The following BBS9 variants were observed in gnomAD, a reference collection of about 807,000 sequenced individuals.
The protein encoded by BBS9 is Bardet-Biedl syndrome 9, also known as protein PTHB1.
In BBS9, 89 loss-of-function variants were observed where a neutral mutation model predicts 117.7. The observed-to-expected ratio is 0.76, with a 90% confidence interval of 0.64 to 0.90. BBS9 has a LOEUF of 0.90. BBS9 is among the 40% of genes least tolerant of loss of function. The probability of loss-of-function intolerance (pLI) is 0.00; values close to 1 mark genes in which losing one functional copy is unlikely to be tolerated. For synonymous variants in BBS9, 379 were observed against 370.9 expected, an observed-to-expected ratio of 1.02 and a Z score of -0.25; for missense variants, 982 against 1,042.2, an observed-to-expected ratio of 0.94 and a Z score of 0.80.
chr7:33,578,325 C>T (rs377715495), intron 21 of BBS9, among the ~76,000 whole-genome samples: 1 of 152,270 alleles, frequency 6.6e-6, no homozygotes, highest in Non-Finnish European at 1.5e-5. Context: ...AAGCTGGACT[C>T]CTGACTCCAA....
chr7:33,264,401 A>T (rs749668820), intron 7 of BBS9, 27 bp downstream of exon 7: 3 of 1,327,404 alleles, frequency 2.3e-6, no homozygotes, highest in Admixed American at 1.8e-5. Context: ...ATATATAAAA[A>T]TTTCAATAAT....
rs140814214 is a variant in BBS9 at position 33,268,346 on chromosome 7, C to G, written c.702+3972C>G. Among the ~76,000 whole-genome samples the G allele has an allele frequency of 5.2e-3, 793 of 152,290 alleles. 4 individuals carry two copies. The highest frequency in any genetic ancestry group is 7.5e-3 in the Non-Finnish European group (513 of 68,022). On this transcript the variant is annotated intron_variant, in intron 7 of 22. Transcript: ENST00000242067. The stretch of plus-strand genomic sequence containing the variant: ...TATTTGGTGTGCTGTCTTGTTAACT[C>G]CAACTGCTGTGGTTTCTCCAGACTC...
At chr7:33,259,854 A>G (rs1039163121) in intron 6 of BBS9, among the ~76,000 whole-genome samples, 1 of 142,812 alleles carries the variant, frequency 7.0e-6, no homozygotes, top group African/African-American at 2.6e-5. Context: ...TCCCATTCCC[A>G]TTGGTTCAGG....
intron 19 of BBS9, among the ~76,000 whole-genome samples, chr7:33,399,349 A>T (rs1828537881): frequency 6.6e-6 from 1 of 152,160 alleles, no homozygotes; most frequent in African/African-American, 2.4e-5. Flanking sequence ...GTGGTTAGAG[A>T]ATCACCAGAA....
chr7:33,365,657 G>A (rs1231281246), intron 16 of BBS9, among the ~76,000 whole-genome samples: 1 of 152,242 alleles, frequency 6.6e-6, no homozygotes, highest in Non-Finnish European at 1.5e-5. Flanking sequence ...GAGATGCCAT[G>A]GAGCCAAGTC....
intron 21 of BBS9, among the ~76,000 whole-genome samples, chr7:33,535,073 T>G (rs940996098): frequency 6.6e-6 from 1 of 152,150 alleles, no homozygotes; most frequent in East Asian, 1.9e-4. Flanking sequence ...TGAAAAGGAA[T>G]GCAAGTGAAA....
Position 33,332,510 on chromosome 7 carries a change from G to C in BBS9, c.1017-3931G>C, listed in dbSNP as rs187662536. ...TGGCCAAAATGGCAAAACCCCGTCT[G>C]TACTAAAAATATAAAAATTAGCTGG... On this transcript the variant is annotated intron_variant, in intron 9 of 22. Coordinates refer to ENST00000242067, the MANE Select transcript of BBS9 (RefSeq NM_198428.3). Among the ~76,000 whole-genome samples, 42 of 152,128 alleles carry C rather than the reference G, an allele frequency of 2.8e-4. No individual in the cohort carries two copies. The East Asian group carries it at 7.0e-3, about 25-fold the overall frequency.
chr7:33,236,420 G>A (rs1793513440), intron 5 of BBS9, among the ~76,000 whole-genome samples: 1 of 150,672 alleles, frequency 6.6e-6, no homozygotes, highest in African/African-American at 2.4e-5. Flanking sequence ...ATGACTAATT[G>A]TGATTGCTAA....
At chr7:33,160,152 C>T (rs1356545166) in intron 4 of BBS9, among the ~76,000 whole-genome samples, 1 of 152,128 alleles carries the variant, frequency 6.6e-6, no homozygotes, top group Admixed American at 6.6e-5. Context: ...TGACCATAGC[C>T]TTTAGGGTAG....
At chr7:33,334,144 T>C (rs775640931) in intron 9 of BBS9, among the ~76,000 whole-genome samples, 7 of 152,206 alleles carry the variant, frequency 4.6e-5, no homozygotes, top group Non-Finnish European at 8.8e-5. Flanking sequence ...AGAAACTTAA[T>C]AGGTTCAGAT....
At chr7:33,151,554 A>T (rs1332107013) in intron 2 of BBS9, among the ~76,000 whole-genome samples, 1 of 149,702 alleles carries the variant, frequency 6.7e-6, no homozygotes, top group Non-Finnish European at 1.5e-5. Context: ...TATTATGAGG[A>T]TTTTTTTTTT....
intron 21 of BBS9, among the ~76,000 whole-genome samples, chr7:33,580,171 A>G (rs190033333): frequency 4.3e-4 from 66 of 152,068 alleles, no homozygotes; most frequent in Admixed American, 1.1e-3. Context: ...GACTTGCCAA[A>G]GGCCATCCAG....
intron 4 of BBS9, among the ~76,000 whole-genome samples, chr7:33,162,466 T>C (rs1795010724): frequency 6.6e-6 from 1 of 152,204 alleles, no homozygotes; most frequent in African/African-American, 2.4e-5. Context: ...TCCATGAGCA[T>C]GGAATGTTCT....
intron 21 of BBS9, among the ~76,000 whole-genome samples, chr7:33,618,732 G>A (rs1865265874): frequency 6.6e-6 from 1 of 152,060 alleles, no homozygotes; most frequent in Admixed American, 6.6e-5. Flanking sequence ...CATAATGTGA[G>A]TGAGAAGTTT....
chr7:33,217,148 A>T (rs918954710), intron 5 of BBS9, among the ~76,000 whole-genome samples: 2 of 152,072 alleles, frequency 1.3e-5, no homozygotes, highest in African/African-American at 4.8e-5. Context: ...AGAGCAAGGA[A>T]TATATTTGGT....
At chr7:33,170,621 G>T (rs889526510) in intron 4 of BBS9, among the ~76,000 whole-genome samples, 12 of 151,402 alleles carry the variant, frequency 7.9e-5, no homozygotes, top group African/African-American at 1.7e-4. Flanking sequence ...GGCAGGAGAA[G>T]GAAATAAAGG....
At chr7:33,234,351 A>G (rs1793070861) in intron 5 of BBS9, among the ~76,000 whole-genome samples, 1 of 152,048 alleles carries the variant, frequency 6.6e-6, no homozygotes, top group Admixed American at 6.6e-5. Flanking sequence ...TATAGTTGAC[A>G]ATTAAAAATT....
At chr7:33,393,005 A>C (rs1004028718) in intron 19 of BBS9, among the ~76,000 whole-genome samples, 9 of 152,094 alleles carry the variant, frequency 5.9e-5, no homozygotes, top group African/African-American at 1.9e-4. Context: ...GTCTCTACAT[A>C]AAATTTGAAA....
intron 9 of BBS9, among the ~76,000 whole-genome samples, chr7:33,304,044 C>A (rs1274535050): frequency 6.6e-6 from 1 of 150,822 alleles, no homozygotes; most frequent in Admixed American, 6.6e-5. Context: ...CCGGCCGCCA[C>A]CCCATCTAGG....
Sources: gnomAD v4.1 joint callset for allele counts (sites outside exome capture counted in the v4.1 genomes callset) on GRCh38, gnomAD v4.1.1 for gene constraint, MANE v1.5 for transcripts, NCBI Gene and HGNC (gene_info 2026-07-23, HGNC 2026-07-21) for gene names.